The following ZNF91 variants were observed in gnomAD, a reference collection of about 807,000 sequenced individuals.
ZNF91 encodes zinc finger protein 91 (HPF7, HTF10).
ZNF91 carries 7 observed loss-of-function variants against 12.6 expected under a neutral mutation model. The observed-to-expected ratio is 0.55, with a 90% CI of 0.31 to 1.04. The LOEUF is 1.04. Ranked by LOEUF, ZNF91 falls within the 50% of genes least tolerant of loss-of-function variation. The pLI is 0.05. For missense variants in ZNF91, 1,217 were observed against 1,385.4 expected, an observed-to-expected ratio of 0.88 and a Z score of 1.93; for synonymous variants, 453 against 462.6, an observed-to-expected ratio of 0.98 and a Z score of 0.27.
chr19:23,360,068 A>T lies in ZNF91; in HGVS notation c.2911T>A (p.Cys971Ser). The T allele has an allele frequency of 6.2e-7, 1 of 1,613,402 alleles. No homozygotes were observed. Among genetic ancestry groups the T allele is most frequent in the Non-Finnish European group, 8.5e-7 (1 of 1,180,006 alleles). The change falls in exon 4 of 4, where the codon TGT (cysteine) becomes AGT (serine). Residue 971 changes from cysteine (C) to serine (S), a missense_variant. Physicochemically the swap from Cys to Ser is moderately radical, Grantham distance 112. Coordinates refer to ENST00000300619, the MANE Select transcript of ZNF91 (RefSeq NM_003430.4). Reference sequence around the variant, plus strand: ...GAAGATTTCCTAAAAGCTTTGCCACATTCTTCACATTTGTAGGGTTTCTCT... The same window carrying T: ...GAAGATTTCCTAAAAGCTTTGCCACTTTCTTCACATTTGTAGGGTTTCTCT... Reference protein sequence around the residue: ...TGEKPYKCEECGKAFRKSSTL... With the variant: ...TGEKPYKCEESGKAFRKSSTL...
chr19:23,371,850 A>C (rs928909151), intron 3 of ZNF91, among the ~76,000 whole-genome samples: 1 of 152,218 alleles, frequency 6.6e-6, no homozygotes, highest in African/African-American at 2.4e-5. Flanking sequence ...AAGCATTTAA[A>C]AGAAACTAGT....
upstream of ZNF91, among the ~76,000 whole-genome samples, chr19:23,313,032 GCA>G (rs1486725292): frequency 6.6e-6 from 1 of 152,222 alleles, no homozygotes; most frequent in African/African-American, 2.4e-5. Context: ...AGATAAAACA[GCA>G]CACAGGAAAG....
chr19:23,340,476 T>C (rs1362384750), intron 3 of ZNF91, among the ~76,000 whole-genome samples: 1 of 150,754 alleles, frequency 6.6e-6, no homozygotes, highest in Non-Finnish European at 1.5e-5. Context: ...CAAGATAGAG[T>C]CGGGAAGAAA....
At chr19:23,365,038 A>G (rs984700877) in intron 3 of ZNF91, among the ~76,000 whole-genome samples, 1 of 152,182 alleles carries the variant, frequency 6.6e-6, no homozygotes, top group Admixed American at 6.5e-5. Flanking sequence ...AAAACATGGA[A>G]TGTAAACTTT....
intron 1 of ZNF91, chr19:23,385,035 C>A: frequency 8.2e-7 from 1 of 1,213,680 alleles, no homozygotes; most frequent in Non-Finnish European, 1.2e-6. Context: ...ACCAGGGAGA[C>A]ACCTCATGGG....
intron 3 of ZNF91, among the ~76,000 whole-genome samples, 174 bp downstream of exon 3, chr19:23,373,568 C>A (rs1245804160): frequency 6.6e-6 from 1 of 151,818 alleles, no homozygotes; most frequent in African/African-American, 2.4e-5. Flanking sequence ...AAGTAGAATT[C>A]TTAGAGATTT....
At chr19:23,387,141 AT>A (rs1205398968) in intron 1 of ZNF91, among the ~76,000 whole-genome samples, 1 of 152,240 alleles carries the variant, frequency 6.6e-6, no homozygotes, top group Non-Finnish European at 1.5e-5. Flanking sequence ...ATGTCAAAAA[AT>A]AGATACTGTC....
chr19:23,312,039 C>T (rs1463510796), upstream of ZNF91, among the ~76,000 whole-genome samples: 2 of 152,144 alleles, frequency 1.3e-5, no homozygotes, highest in African/African-American at 4.8e-5. Context: ...ACTCTGCTGC[C>T]TTAGTCCTGC....
At chr19:23,392,396 C>CAAAAAAA (rs71163502) in intron 1 of ZNF91, among the ~76,000 whole-genome samples, 1 of 70,400 alleles carries the variant, frequency 1.4e-5, no homozygotes, top group Non-Finnish European at 2.8e-5. Flanking sequence ...AACTCCATCT[C>CAAAAAAA]AAAAAAAAAA....
At chr19:23,323,657 T>C (rs916100203) in intron 1 of ZNF91, among the ~76,000 whole-genome samples, 3 of 136,400 alleles carry the variant, frequency 2.2e-5, no homozygotes, top group Non-Finnish European at 4.6e-5. Context: ...CCTCTCCTCC[T>C]CCTTTCCTCT....
rs752323733 is a variant in ZNF91 at position 23,361,172 on chromosome 19, T to G, written c.1807A>C (p.Lys603Gln). 1 of 1,613,700 alleles carries G rather than the reference T, an allele frequency of 6.2e-7. No homozygotes were observed. The highest frequency in any genetic ancestry group is 8.5e-7 in the Non-Finnish European group (1 of 1,179,834). The change falls in exon 4 of 4, where the codon AAG becomes CAG. Residue 603 changes from lysine to glutamine, a missense_variant. Lys to Gln is a moderately conservative substitution (Grantham distance 53). Transcript: ENST00000300619. ...KIIHTGEKSY[K>Q]CEECGKAFLW... is the part of the protein sequence containing the mutation. Reference sequence around the variant, plus strand: ...AATGCTTTGCCACATTCTTCACACTTGTAAGACTTCTCTCCAGTATGAATT... The same window carrying G: ...AATGCTTTGCCACATTCTTCACACTGGTAAGACTTCTCTCCAGTATGAATT...
chr19:23,376,682 C>A lies in ZNF91; in HGVS notation c.31-1918G>T, dbSNP rs75829706. On this transcript the variant is annotated intron_variant, in intron 1 of 3. Coordinates refer to ENST00000300619, the MANE Select transcript of ZNF91 (RefSeq NM_003430.4). The stretch of plus-strand genomic sequence containing the variant: ...GGGATTACAGACGTGAGCCACCACG[C>A]CTGGCCTATCATAAGCATTTTTAAA... Among the ~76,000 whole-genome samples the A allele has an allele frequency of 0.012, 1,853 of 152,252 alleles. 156 individuals are homozygous for A. The East Asian group carries it at 0.24, about 20-fold the overall frequency.
intron 1 of ZNF91, among the ~76,000 whole-genome samples, chr19:23,383,006 G>A (rs1599754005): frequency 6.6e-6 from 1 of 152,248 alleles, no homozygotes; most frequent in East Asian, 1.9e-4. Flanking sequence ...TATAAGAACA[G>A]CATTATTCTG....
chr19:23,373,000 A>G (rs1297062520), intron 3 of ZNF91, among the ~76,000 whole-genome samples: 1 of 152,172 alleles, frequency 6.6e-6, no homozygotes, highest in East Asian at 1.9e-4. Context: ...ATAACTATCC[A>G]AGCCCCTTTT....
intron 3 of ZNF91, among the ~76,000 whole-genome samples, chr19:23,368,034 C>T (rs549762991): frequency 8.7e-4 from 132 of 152,054 alleles, no homozygotes; most frequent in African/African-American, 3.0e-3. Context: ...CTCAGCCACC[C>T]GAGTAGCTGG....
At chr19:23,337,032 C>T (rs1421231704), downstream of ZNF91, among the ~76,000 whole-genome samples, 1 of 152,084 alleles carries the variant, frequency 6.6e-6, no homozygotes, top group Admixed American at 6.5e-5. Flanking sequence ...AATTTAGTTA[C>T]ATGCATAGAT....
At chr19:23,384,723 T>C in intron 1 of ZNF91, 1 of 611,218 alleles carries the variant, frequency 1.6e-6, no homozygotes, top group East Asian at 3.0e-5. Flanking sequence ...ACAATGAGCT[T>C]TTACCTGGAA....
Position 23,359,138 on chromosome 19 carries a change from T to A in ZNF91, c.*265A>T. The A allele has an allele frequency of 1.9e-6, 1 of 534,410 alleles. No homozygotes were observed. The allele number at this position is 534,410 out of a possible 1,614,324, so 33.1% of individuals were successfully genotyped here. On this transcript the variant is annotated 3_prime_UTR_variant, in exon 4 of 4. Transcript: ENST00000300619. Reference sequence around the variant, plus strand: ...TTGTAGAGTTTTACTCCAGTATGAATTACCTTATGTTTAGTAAAGGTTGAA... The same window carrying A: ...TTGTAGAGTTTTACTCCAGTATGAAATACCTTATGTTTAGTAAAGGTTGAA...
At position 23,360,370 on chromosome 19, in the gene ZNF91, G is replaced by A. The variant is rs146124770; in HGVS notation, c.2609C>T (p.Thr870Met). ...TTTAGTATGAATTATCTTATGTGTC[G>A]TAAGATTTGAAGATTGATTAAAAGC... is the stretch of plus-strand genomic sequence containing the variant. ...GKAFNQSSNL[T>M]THKIIHTKEK... The change falls in exon 4 of 4, where the codon ACG (threonine) becomes ATG (methionine). Residue 870 changes from threonine (T) to methionine (M), a missense_variant. By Grantham distance (81) the Thr-to-Met change is moderately conservative (BLOSUM62 -1). This residue lies in a region of ZNF91 where 491 missense variants were observed against 489.8 expected (regional missense o/e 1.00). Coordinates refer to ENST00000300619, the MANE Select transcript of ZNF91 (RefSeq NM_003430.4). 506 of 1,613,986 alleles carry A rather than the reference G, an allele frequency of 3.1e-4. 2 individuals are homozygous for A. The African/African-American group carries it at 4.5e-3, about 14-fold the overall frequency.
Sources: allele counts gnomAD v4.1 joint callset (sites outside exome capture counted in the v4.1 genomes callset), GRCh38; gene constraint gnomAD v4.1.1; regional missense constraint gnomAD v4.1.1; transcripts MANE v1.5; gene names NCBI Gene and HGNC (gene_info 2026-07-23, HGNC 2026-07-21).